The following NEIL3 variants were observed in gnomAD, a reference collection of about 807,000 sequenced individuals.
NEIL3 encodes the protein nei like DNA glycosylase 3, also known as endonuclease 8-like 3.
Under a neutral mutation model 57.5 loss-of-function variants are expected in NEIL3, and 48 were observed. That is an observed-to-expected ratio of 0.83 (90% CI 0.66 to 1.06). The LOEUF is 1.06. Ranked by LOEUF, NEIL3 falls within the 50% of genes least tolerant of loss-of-function variation. NEIL3 has a pLI of 0.00. For missense variants in NEIL3, 717 were observed against 739.1 expected (o/e 0.97, Z 0.35); for synonymous variants, 261 against 253.2 (o/e 1.03, Z -0.29).
chr4:177,347,701 A>T (rs984918308), intron 6 of NEIL3, among the ~76,000 whole-genome samples: 2 of 152,084 alleles, frequency 1.3e-5, no homozygotes, highest in Non-Finnish European at 2.9e-5. Flanking sequence ...AATTTAGGAT[A>T]ATTTTGGAAG....
chr4:177,318,894 T>C (rs1001859686), intron 1 of NEIL3, among the ~76,000 whole-genome samples: 6 of 152,216 alleles, frequency 3.9e-5, no homozygotes, highest in Non-Finnish European at 8.8e-5. Flanking sequence ...CCCAAGCATC[T>C]AGAACAAGGC....
intron 6 of NEIL3, among the ~76,000 whole-genome samples, chr4:177,347,706 T>A (rs2110922156): frequency 6.6e-6 from 1 of 152,272 alleles, no homozygotes; most frequent in South Asian, 2.1e-4. Flanking sequence ...AGGATAATTT[T>A]GGAAGTTGAG....
intron 2 of NEIL3, among the ~76,000 whole-genome samples, chr4:177,333,978 A>G (rs1578994496): frequency 6.6e-6 from 1 of 152,262 alleles, no homozygotes; most frequent in East Asian, 1.9e-4. Flanking sequence ...TATTATGCAG[A>G]GTGAATTGTC....
chr4:177,370,316 C>T, the NEIL3 span, among the ~76,000 whole-genome samples: 4 of 152,176 alleles, frequency 2.6e-5, no homozygotes, highest in Non-Finnish European at 5.9e-5. Flanking sequence ...CTTTCTCTCT[C>T]TACTTCTTTG....
chr4:177,334,820 G>A (rs1734944657), intron 2 of NEIL3, among the ~76,000 whole-genome samples: 1 of 152,146 alleles, frequency 6.6e-6, no homozygotes, highest in Admixed American at 6.5e-5. Flanking sequence ...ACTCAACAAA[G>A]CTATGAGGAG....
At chr4:177,353,895 A>G (rs1356453546) in intron 8 of NEIL3, 167 bp downstream of exon 8, 2 of 617,586 alleles carry the variant, frequency 3.2e-6, no homozygotes, top group African/African-American at 3.7e-5. Context: ...CCTCCCAAGT[A>G]GCTGAGATTA....
At chr4:177,322,119 T>C (rs1734697039) in intron 1 of NEIL3, among the ~76,000 whole-genome samples, 2 of 152,256 alleles carry the variant, frequency 1.3e-5, no homozygotes, top group African/African-American at 4.8e-5. Flanking sequence ...GAAGAACCTA[T>C]ATTCCAGTTT....
At chr4:177,339,578 G>T (rs1272932155) in intron 4 of NEIL3, among the ~76,000 whole-genome samples, 1 of 152,204 alleles carries the variant, frequency 6.6e-6, no homozygotes, top group African/African-American at 2.4e-5. Context: ...AAGAGGAGGG[G>T]TTGGTCTTGC....
At chr4:177,318,397 G>GT (rs1187963399) in intron 1 of NEIL3, among the ~76,000 whole-genome samples, 5 of 152,272 alleles carry the variant, frequency 3.3e-5, no homozygotes, top group African/African-American at 1.2e-4. Context: ...CATTATTTCT[G>GT]TAAGTATTTT....
rs755292797 is a variant in NEIL3 at position 177,351,388 on chromosome 4, C to G, written c.878C>G (p.Pro293Arg). The change falls in exon 7 of 10, where the codon CCG becomes CGG. Residue 293 changes from proline (P) to arginine (R), a missense_variant. Coordinates refer to ENST00000264596, the MANE Select transcript of NEIL3 (RefSeq NM_018248.3). ...TAAAAATTATCTTATAGCAAGCTACCGACTAGAAATACTATAATCAGTTGG... is the reference window on the plus strand; with the variant it reads ...TAAAAATTATCTTATAGCAAGCTACGGACTAGAAATACTATAATCAGTTGG... ...NPQHVDICKL[P>R]TRNTIISWTS... The G allele has an allele frequency of 6.2e-7, 1 of 1,604,550 alleles. No individual in the cohort carries two copies. Among genetic ancestry groups the G allele is most frequent in the Admixed American group, 1.7e-5 (1 of 58,154 alleles).
intron 1 of NEIL3, 104 bp from the exon 2 acceptor site, chr4:177,322,355 C>T (rs1015907506): frequency 3.5e-6 from 5 of 1,419,168 alleles, no homozygotes; most frequent in Non-Finnish European, 4.9e-6. Context: ...CATTGGAATG[C>T]ACCTGGGCGT....
At chr4:177,319,010 C>T (rs1478292130) in intron 1 of NEIL3, among the ~76,000 whole-genome samples, 1 of 152,174 alleles carries the variant, frequency 6.6e-6, no homozygotes, top group Non-Finnish European at 1.5e-5. Flanking sequence ...TCACGTGCCA[C>T]TTTTGTTGTA....
At chr4:177,370,946 A>G in the NEIL3 span, among the ~76,000 whole-genome samples, 6 of 152,132 alleles carry the variant, frequency 3.9e-5, no homozygotes, top group Admixed American at 6.6e-5. Flanking sequence ...ACAAAAAAAA[A>G]AGATCCTCTG....
chr4:177,321,059 G>A (rs1430642022), intron 1 of NEIL3, among the ~76,000 whole-genome samples: 1 of 151,788 alleles, frequency 6.6e-6, no homozygotes, highest in Non-Finnish European at 1.5e-5. Context: ...AGAATAGAGT[G>A]GACATGTCAT....
intron 1 of NEIL3, 121 bp downstream of exon 1, chr4:177,310,230 A>G: frequency 8.9e-7 from 1 of 1,118,342 alleles, no homozygotes; most frequent in Non-Finnish European, 1.2e-6. Flanking sequence ...CTGGGGTCCC[A>G]CCTTTCACAG....
intron 6 of NEIL3, chr4:177,343,263 A>C (rs1735136458): frequency 6.6e-6 from 1 of 152,264 alleles, no homozygotes; most frequent in South Asian, 2.1e-4. Flanking sequence ...GACATGTCTT[A>C]GGGGCTGCGA....
rs535530965 is a variant in NEIL3 at position 177,352,055 on chromosome 4, CTT to C, written c.1039+508_1039+509del. On this transcript the variant is annotated intron_variant, in intron 7 of 9. Coordinates refer to ENST00000264596, the MANE Select transcript of NEIL3 (RefSeq NM_018248.3). ...TTCATTGAAACCCTTCAAAATAACT[CTT>C]TATAGCTCACGATTTCATGCATTTA... is the stretch of plus-strand genomic sequence containing the variant. 2.3e-3 allele frequency among the ~76,000 whole-genome samples: 346 copies of C among 152,324 alleles called. 1 individual carries two copies. The highest frequency in any genetic ancestry group is 4.1e-3 in the Non-Finnish European group (281 of 68,028).
At chr4:177,324,303 T>A (rs1457190674) in intron 2 of NEIL3, among the ~76,000 whole-genome samples, 6 of 152,148 alleles carry the variant, frequency 3.9e-5, no homozygotes, top group African/African-American at 1.4e-4. Context: ...TGCTCACAGT[T>A]TTCCCTTGAT....
At chr4:177,346,154 A>G (rs970479064) in intron 6 of NEIL3, among the ~76,000 whole-genome samples, 7 of 151,946 alleles carry the variant, frequency 4.6e-5, no homozygotes, top group African/African-American at 1.7e-4. Flanking sequence ...TTCAAGCCTC[A>G]CCCTCTCTAA....
Sources: gnomAD v4.1 joint callset for allele counts (sites outside exome capture counted in the v4.1 genomes callset) on GRCh38, gnomAD v4.1.1 for gene constraint, MANE v1.5 for transcripts, NCBI Gene and HGNC (gene_info 2026-07-23, HGNC 2026-07-21) for gene names.